SEC24B: variants seen among roughly 807,000 people sequenced by gnomAD.
SEC24B encodes the protein protein transport protein Sec24B.
SEC24B carries 45 observed loss-of-function variants against 142.8 expected under a neutral mutation model. The ratio of observed to expected loss-of-function variants is 0.32; its 90% CI spans 0.25 to 0.40. The LOEUF (loss-of-function observed/expected upper bound fraction) is 0.40, where lower values mean the gene tolerates loss of function less well. SEC24B is among the 10% of genes least tolerant of loss of function. SEC24B has a pLI of 1.00. For missense variants in SEC24B, 1,409 were observed against 1,526.8 expected, an observed-to-expected ratio of 0.92 and a Z score of 1.29; for synonymous variants, 574 against 568.2, an observed-to-expected ratio of 1.01 and a Z score of -0.15.
chr4:109,466,858 A>G (rs761854136), intron 2 of SEC24B, among the ~76,000 whole-genome samples: 1 of 152,258 alleles, frequency 6.6e-6, no homozygotes, highest in Non-Finnish European at 1.5e-5. Flanking sequence ...ACCTGAGTTA[A>G]GCAAATATCA....
At chr4:109,534,225 A>G (rs1725244943) in intron 22 of SEC24B, among the ~76,000 whole-genome samples, 1 of 152,036 alleles carries the variant, frequency 6.6e-6, no homozygotes, top group South Asian at 2.1e-4. Flanking sequence ...AAATGGATCA[A>G]ACATTTAAAC....
Position 109,463,298 on chromosome 4 carries a change from C to T in SEC24B, c.531C>T (p.Pro177=), listed in dbSNP as rs1317828904. The change falls in exon 2 of 24, where the codon CCC becomes CCT. Residue 177 remains proline (P), a synonymous_variant. Transcript: ENST00000265175. ...CTTCTGTTGCGTCTCAGGGATTTCCCTCTACTTGTGGTCATTATGCTATGT... is the reference window on the plus strand; with the variant it reads ...CTTCTGTTGCGTCTCAGGGATTTCCTTCTACTTGTGGTCATTATGCTATGT... ...ASSSVASQGF[P]STCGHYAMST... The T allele has an allele frequency of 1.2e-6, 2 of 1,614,178 alleles. No individual in the cohort carries two copies. The highest frequency in any genetic ancestry group is 1.7e-5 in the Admixed American group (1 of 60,016).
In SEC24B at chr4:109,540,153, A is replaced by G. The variant is rs1013009655; in HGVS notation, c.*478A>G. On this transcript the variant is annotated 3_prime_UTR_variant, in exon 24 of 24. Coordinates refer to ENST00000265175, the MANE Select transcript of SEC24B (RefSeq NM_006323.5). ...GTTTCTTATTCATTAAATGAATTCA[A>G]CATTTTCTCTGTAAAAACAATAGAG... 3.9e-5 allele frequency: 6 copies of G among 152,662 alleles called. No individual in the cohort carries two copies. Among genetic ancestry groups the G allele is most frequent in the East Asian group, 1.9e-4 (1 of 5,208 alleles). 9.5% of individuals were successfully genotyped at this position (152,662 alleles called of 1,614,324 possible). A position where few individuals can be genotyped will look rare whatever the true frequency, so the allele number is the denominator to read the frequency against.
intron 10 of SEC24B, 49 bp from the exon 11 acceptor site, chr4:109,516,479 G>T: frequency 8.9e-7 from 1 of 1,125,830 alleles, no homozygotes; most frequent in Non-Finnish European, 1.3e-6. Context: ...TATATAAAAA[G>T]AATAAATTGT....
chr4:109,458,497 T>C (rs1166410917), intron 1 of SEC24B, among the ~76,000 whole-genome samples: 1 of 152,176 alleles, frequency 6.6e-6, no homozygotes, highest in Non-Finnish European at 1.5e-5. Flanking sequence ...TAGGAAGTTA[T>C]TTTTAGTAAA....
chr4:109,516,435 A>T, intron 10 of SEC24B, 93 bp from the exon 11 acceptor site: 3 of 679,060 alleles, frequency 4.4e-6, no homozygotes, highest in African/African-American at 1.8e-5. Flanking sequence ...TTTTTGTGTT[A>T]ATATATTCAG....
intron 1 of SEC24B, among the ~76,000 whole-genome samples, chr4:109,441,156 A>G (rs1728893775): frequency 6.6e-6 from 1 of 152,228 alleles, no homozygotes; most frequent in South Asian, 2.1e-4. Context: ...TTGCCTAGCC[A>G]GTGGCCAAGT....
At chr4:109,490,548 G>A (rs1007635363) in intron 4 of SEC24B, among the ~76,000 whole-genome samples, 4 of 151,996 alleles carry the variant, frequency 2.6e-5, no homozygotes, top group Non-Finnish European at 2.9e-5. Flanking sequence ...CATAATATAC[G>A]CTAGCATACG....
At chr4:109,511,631 T>A (rs1255735760) in intron 8 of SEC24B, among the ~76,000 whole-genome samples, 2 of 152,340 alleles carry the variant, frequency 1.3e-5, no homozygotes, top group African/African-American at 4.8e-5. Context: ...CCACGTGCAG[T>A]CAACAAAGAC....
chr4:109,491,519 A>G (rs1267510228), intron 5 of SEC24B, 112 bp downstream of exon 5: 4 of 757,036 alleles, frequency 5.3e-6, no homozygotes, highest in South Asian at 4.2e-5. Context: ...TTAACAAGAA[A>G]AAAAGGACAT....
At chr4:109,439,411 C>CATGAA (rs1411303878) in intron 1 of SEC24B, among the ~76,000 whole-genome samples, 2 of 144,882 alleles carry the variant, frequency 1.4e-5, no homozygotes, top group Non-Finnish European at 3.0e-5. Context: ...CAGGTCCTCT[C>CATGAA]ATGAATATAC....
chr4:109,497,215 C>G (rs1354933479), intron 6 of SEC24B, among the ~76,000 whole-genome samples: 1 of 152,196 alleles, frequency 6.6e-6, no homozygotes, highest in Non-Finnish European at 1.5e-5. Context: ...GACCTTCTGA[C>G]TATCCACAGA....
intron 1 of SEC24B, among the ~76,000 whole-genome samples, chr4:109,452,584 T>C (rs1007268898): frequency 6.6e-6 from 1 of 152,252 alleles, no homozygotes; most frequent in African/African-American, 2.4e-5. Context: ...TGCCAGCATT[T>C]GATATTTTCG....
intron 5 of SEC24B, among the ~76,000 whole-genome samples, chr4:109,491,613 G>A (rs918987602): frequency 2.6e-5 from 4 of 152,046 alleles, no homozygotes; most frequent in Non-Finnish European, 4.4e-5. Flanking sequence ...ATTTTTTGTT[G>A]TTATAATACT....
At chr4:109,449,494 A>G (rs910818343) in intron 1 of SEC24B, 2 of 455,148 alleles carry the variant, frequency 4.4e-6, no homozygotes, top group Non-Finnish European at 8.8e-6. Flanking sequence ...GGCCTCCCAA[A>G]TTGCTGGGAG....
At chr4:109,504,192 G>T (rs929804760) in intron 6 of SEC24B, among the ~76,000 whole-genome samples, 3 of 152,094 alleles carry the variant, frequency 2.0e-5, no homozygotes, top group African/African-American at 7.2e-5. Flanking sequence ...AATTAGGGAG[G>T]TGGACAGCAT....
At position 109,539,906 on chromosome 4, in the gene SEC24B, G is replaced by A. The variant is rs1459903565; in HGVS notation, c.*231G>A. On this transcript the variant is annotated 3_prime_UTR_variant, in exon 24 of 24. Transcript: ENST00000265175. ...TGTTTCACCAAGTATATTTTGAATT[G>A]GTTTCTACACATTTCCAGTAGTATG... 5 of 487,718 alleles carry A rather than the reference G, an allele frequency of 1.0e-5. No homozygotes were observed. The highest frequency in any genetic ancestry group is 1.8e-5 in the Non-Finnish European group (5 of 276,950). The allele number at this position is 487,718 out of a possible 1,614,324, so 30.2% of individuals were successfully genotyped here.
chr4:109,465,336 A>G (rs1015715541), intron 2 of SEC24B, among the ~76,000 whole-genome samples: 2 of 152,156 alleles, frequency 1.3e-5, no homozygotes, highest in Non-Finnish European at 2.9e-5. Flanking sequence ...TCTCCAGGGT[A>G]CTCTTGAGAA....
At chr4:109,437,944 G>T (rs1728569136) in intron 1 of SEC24B, among the ~76,000 whole-genome samples, 1 of 152,228 alleles carries the variant, frequency 6.6e-6, no homozygotes, top group East Asian at 1.9e-4. Flanking sequence ...TTTAAGATTT[G>T]TTTTTCCAAA....
Sources: gnomAD v4.1 joint callset for allele counts (sites outside exome capture counted in the v4.1 genomes callset) on GRCh38, gnomAD v4.1.1 for gene constraint, MANE v1.5 for transcripts, NCBI Gene and HGNC (gene_info 2026-07-23, HGNC 2026-07-21) for gene names.